HDAC9: variants seen among roughly 807,000 people sequenced by gnomAD.
The protein encoded by HDAC9 is MEF-2 interacting transcription repressor (MITR) protein.
A neutral mutation model predicts 139.4 loss-of-function variants in HDAC9; 41 were observed. That is an observed-to-expected ratio of 0.29 (90% CI 0.23 to 0.38). HDAC9 has a LOEUF of 0.38. HDAC9 is among the 10% of genes least tolerant of loss of function. The probability of loss-of-function intolerance (pLI) is 1.00; values close to 1 mark genes in which losing one functional copy is unlikely to be tolerated. For synonymous variants in HDAC9, 517 were observed against 476.2 expected (o/e 1.09, Z -1.12); for missense variants, 1,147 against 1,297.0 (o/e 0.88, Z 1.78).
rs376786180 is a variant in HDAC9, at chr7:18,435,059, CAAAAA to C, written c.-41-61185_-41-61181del. On this transcript the variant is annotated intron_variant, in intron 1 of 3. Coordinates refer to the HDAC9 transcript ENST00000413509. Reference sequence around the variant, plus strand: ...TATACCCCATGAAATACTACACAGCCAAAAAAAAAAAAAAAAAAAAAAGAACAAGA... The same window carrying C: ...TATACCCCATGAAATACTACACAGCCAAAAAAAAAAAAAAAAAGAACAAGA... 1.8e-3 allele frequency among the ~76,000 whole-genome samples: 124 copies of C among 67,810 alleles called. 1 individual carries two copies. The highest frequency in any genetic ancestry group is 8.4e-4 in the Admixed American group (4 of 4,788). 44.5% of individuals were successfully genotyped at this position (67,810 alleles called of 152,430 possible).
intron 8 of HDAC9, among the ~76,000 whole-genome samples, chr7:18,643,040 T>A (rs1442713398): frequency 6.6e-6 from 1 of 152,124 alleles, no homozygotes; most frequent in African/African-American, 2.4e-5. Flanking sequence ...GAATAACATA[T>A]CCTTTTATTT....
intron 12 of HDAC9, among the ~76,000 whole-genome samples, chr7:18,670,033 GATAT>G (rs970533068): frequency 4.9e-5 from 7 of 141,892 alleles, no homozygotes; most frequent in African/African-American, 2.1e-4. Context: ...TTAACAGATA[GATAT>G]ATATAGAGTA....
intron 2 of HDAC9, among the ~76,000 whole-genome samples, chr7:18,577,142 G>T (rs1413950212): frequency 1.3e-5 from 2 of 152,128 alleles, no homozygotes; most frequent in Non-Finnish European, 2.9e-5. Context: ...GCCAGATTTT[G>T]TAAGGGAATA....
intron 11 of HDAC9, among the ~76,000 whole-genome samples, chr7:18,655,411 C>T (rs924337161): frequency 2.6e-5 from 4 of 152,184 alleles, no homozygotes; most frequent in African/African-American, 9.6e-5. Context: ...TGACGTTACC[C>T]TTAAATCGAT....
chr7:18,821,391 A>T (rs758065550), intron 17 of HDAC9, among the ~76,000 whole-genome samples: 1 of 152,158 alleles, frequency 6.6e-6, no homozygotes, highest in East Asian at 1.9e-4. Context: ...ATAAGGAGGC[A>T]TTATTCAGGC....
chr7:18,107,311 C>T (rs548827228), intron 1 of HDAC9, among the ~76,000 whole-genome samples: 1 of 152,232 alleles, frequency 6.6e-6, no homozygotes, highest in East Asian at 1.9e-4. Context: ...AAAATCTTTA[C>T]AACTAAATTC....
intron 22 of HDAC9, among the ~76,000 whole-genome samples, chr7:18,929,676 G>T (rs142039140): frequency 1.3e-5 from 2 of 152,066 alleles, no homozygotes; most frequent in African/African-American, 2.4e-5. Context: ...GGTAGCTTAC[G>T]CCTGTAATTC....
At chr7:18,705,960 A>G (rs1783876038) in intron 12 of HDAC9, among the ~76,000 whole-genome samples, 1 of 151,868 alleles carries the variant, frequency 6.6e-6, no homozygotes, top group African/African-American at 2.4e-5. Flanking sequence ...GACCTAAATT[A>G]ATCCTGTAGT....
intron 16 of HDAC9, among the ~76,000 whole-genome samples, chr7:18,783,967 TC>T (rs1354877779): frequency 2.0e-5 from 3 of 151,994 alleles, no homozygotes; most frequent in African/African-American, 7.2e-5. Flanking sequence ...AACACTCCAG[TC>T]AACCATAGTT....
intron 16 of HDAC9, among the ~76,000 whole-genome samples, chr7:18,783,548 T>C (rs748115411): frequency 1.3e-5 from 2 of 152,062 alleles, no homozygotes; most frequent in African/African-American, 2.4e-5. Flanking sequence ...GTAACACACC[T>C]CTGTAAGAGT....
chr7:18,887,650 G>T, intron 22 of HDAC9, among the ~76,000 whole-genome samples: 1 of 151,776 alleles, frequency 6.6e-6, no homozygotes, highest in East Asian at 1.9e-4. Flanking sequence ...TATAAGCTGG[G>T]GTCAGAATTC....
At chr7:18,444,694 C>A (rs1792129283) in intron 1 of HDAC9, among the ~76,000 whole-genome samples, 1 of 152,092 alleles carries the variant, frequency 6.6e-6, no homozygotes, top group Admixed American at 6.5e-5. Flanking sequence ...CCAAAGGAGG[C>A]ATGAATACCG....
intron 22 of HDAC9, among the ~76,000 whole-genome samples, chr7:18,912,568 T>C (rs1416228806): frequency 6.6e-6 from 1 of 152,072 alleles, no homozygotes; most frequent in Non-Finnish European, 1.5e-5. Context: ...AGAGACATTG[T>C]GGTTGCCACA....
intron 2 of HDAC9, among the ~76,000 whole-genome samples, chr7:18,583,959 A>T (rs1262052054): frequency 1.3e-5 from 2 of 152,014 alleles, no homozygotes; most frequent in East Asian, 3.9e-4. Context: ...TTTACACTGA[A>T]CTACAGAATT....
At chr7:18,150,298 C>T (rs943149062) in intron 1 of HDAC9, among the ~76,000 whole-genome samples, 5 of 151,584 alleles carry the variant, frequency 3.3e-5, no homozygotes, top group African/African-American at 7.3e-5. Flanking sequence ...TTATATAGGC[C>T]GCAATTGAGA....
intron 12 of HDAC9, among the ~76,000 whole-genome samples, chr7:18,717,938 T>G (rs765122854): frequency 6.6e-6 from 1 of 152,336 alleles, no homozygotes; most frequent in South Asian, 2.1e-4. Context: ...TTTTTTACTA[T>G]GATTTTAAAA....
chr7:18,241,908 G>T (rs1794211871), intron 2 of HDAC9, among the ~76,000 whole-genome samples: 1 of 152,196 alleles, frequency 6.6e-6, no homozygotes, highest in South Asian at 2.1e-4. Flanking sequence ...TAGAGCCTAG[G>T]TCTGTCTAGG....
At chr7:18,693,593 A>G (rs1398279757) in intron 12 of HDAC9, among the ~76,000 whole-genome samples, 2 of 152,146 alleles carry the variant, frequency 1.3e-5, no homozygotes, top group East Asian at 3.9e-4. Flanking sequence ...ATTGTCCAGT[A>G]GGGGTTGCTC....
At chr7:18,342,748 A>G (rs553847692) in intron 1 of HDAC9, among the ~76,000 whole-genome samples, 1 of 151,784 alleles carries the variant, frequency 6.6e-6, no homozygotes, top group East Asian at 1.9e-4. Context: ...TCACTATTTT[A>G]TATTACAAAT....
Sources: gnomAD v4.1 joint callset for allele counts (sites outside exome capture counted in the v4.1 genomes callset) on GRCh38, gnomAD v4.1.1 for gene constraint, MANE v1.5 for transcripts, NCBI Gene and HGNC (gene_info 2026-07-23, HGNC 2026-07-21) for gene names.